The following CD1B variants were observed in gnomAD, a reference collection of about 807,000 sequenced individuals.
CD1B encodes T-cell surface glycoprotein CD1b.
A neutral mutation model predicts 39.8 loss-of-function variants in CD1B; 43 were observed. The observed-to-expected ratio is 1.08, with a 90% CI of 0.85 to 1.39. The LOEUF (loss-of-function observed/expected upper bound fraction) is 1.39, where lower values mean the gene tolerates loss of function less well. CD1B is among the 40% of genes most tolerant of loss of function. The pLI is 0.00. For synonymous variants in CD1B, 192 were observed against 152.5 expected (o/e 1.26, Z -1.91); for missense variants, 495 against 403.8 (o/e 1.23, Z -1.94).
At chr1:158,324,759 T>C (rs1358681429), downstream of CD1B, among the ~76,000 whole-genome samples, 1 of 152,162 alleles carries the variant, frequency 6.6e-6, no homozygotes, top group Non-Finnish European at 1.5e-5. Flanking sequence ...CCAGAGATCC[T>C]TGCTAATTTC....
the CD1B span, among the ~76,000 whole-genome samples, chr1:158,310,238 A>T: frequency 6.6e-6 from 1 of 152,176 alleles, no homozygotes; most frequent in Non-Finnish European, 1.5e-5. Context: ...CTATTCAATA[A>T]ATGGTGTTGT....
intron 5 of CD1B, 131 bp downstream of exon 5, chr1:158,328,790 G>C: frequency 1.6e-6 from 1 of 644,676 alleles, no homozygotes; most frequent in Non-Finnish European, 2.6e-6. Flanking sequence ...AAACGAATGG[G>C]AGTTTGGGGA....
chr1:158,316,388 G>T, the CD1B span, among the ~76,000 whole-genome samples: 7 of 151,676 alleles, frequency 4.6e-5, no homozygotes, highest in Admixed American at 6.6e-5. Context: ...TTGTAAGTTG[G>T]ATTCCTAGGT....
At chr1:158,313,856 C>T in the CD1B span, among the ~76,000 whole-genome samples, 2 of 152,072 alleles carry the variant, frequency 1.3e-5, no homozygotes, top group Non-Finnish European at 1.5e-5. Flanking sequence ...CATTATTGGC[C>T]TGTTTGAATT....
At chr1:158,309,401 G>A in the CD1B span, among the ~76,000 whole-genome samples, 23 of 152,108 alleles carry the variant, frequency 1.5e-4, no homozygotes, top group African/African-American at 4.8e-4. Flanking sequence ...AACTAGTTCA[G>A]CCATTGTGGA....
the CD1B span, among the ~76,000 whole-genome samples, chr1:158,288,410 A>G: frequency 3.9e-5 from 6 of 152,228 alleles, no homozygotes; most frequent in Non-Finnish European, 7.3e-5. Context: ...TTTCCTTTTT[A>G]AGGCACGGTC....
chr1:158,285,440 G>C, the CD1B span, among the ~76,000 whole-genome samples: 1 of 152,120 alleles, frequency 6.6e-6, no homozygotes, highest in African/African-American at 2.4e-5. Flanking sequence ...TAGCCAGGGT[G>C]GTGCTTAGAA....
the CD1B span, among the ~76,000 whole-genome samples, chr1:158,305,439 C>T: frequency 6.6e-6 from 1 of 152,060 alleles, no homozygotes; most frequent in Non-Finnish European, 1.5e-5. Context: ...TGTGAAAAGA[C>T]CAAATCTATG....
intron 3 of CD1B, 84 bp downstream of exon 3, chr1:158,329,768 G>T (rs902895879): frequency 6.4e-7 from 1 of 1,557,402 alleles, no homozygotes; most frequent in Non-Finnish European, 8.7e-7. Flanking sequence ...CAAATAACTT[G>T]TTATTTAAGC....
the CD1B span, among the ~76,000 whole-genome samples, chr1:158,295,680 G>A: frequency 5.3e-5 from 8 of 151,978 alleles, no homozygotes; most frequent in Non-Finnish European, 1.5e-5. Flanking sequence ...ACTGATCTGA[G>A]CCCCCCACCC....
chr1:158,316,144 C>A, the CD1B span, among the ~76,000 whole-genome samples: 1 of 151,938 alleles, frequency 6.6e-6, no homozygotes, highest in Non-Finnish European at 1.5e-5. Flanking sequence ...AATGCGGGCT[C>A]TTTTTTGGTT....
At chr1:158,302,220 A>G in the CD1B span, among the ~76,000 whole-genome samples, 1 of 152,206 alleles carries the variant, frequency 6.6e-6, no homozygotes, top group East Asian at 1.9e-4. Flanking sequence ...GAAGTCAGAA[A>G]TCAGGAAATT....
the CD1B span, chr1:158,292,220 T>C: frequency 1.9e-6 from 3 of 1,614,186 alleles, no homozygotes; most frequent in South Asian, 2.2e-5. Context: ...CTCCAGGCTG[T>C]GGAAGTTTGG....
At chr1:158,304,993 A>G in the CD1B span, among the ~76,000 whole-genome samples, 1 of 149,214 alleles carries the variant, frequency 6.7e-6, no homozygotes, top group Non-Finnish European at 1.5e-5. Flanking sequence ...GGGAAAAAAC[A>G]GAGCAGAAAA....
downstream of CD1B, among the ~76,000 whole-genome samples, chr1:158,325,817 A>C (rs910550257): frequency 6.6e-6 from 1 of 152,138 alleles, no homozygotes; most frequent in Non-Finnish European, 1.5e-5. Flanking sequence ...CTGTTGTGCC[A>C]CCTTCAATAT....
the CD1B span, among the ~76,000 whole-genome samples, chr1:158,305,510 G>A: frequency 6.6e-6 from 1 of 152,196 alleles, no homozygotes; most frequent in East Asian, 1.9e-4. Context: ...ACACTCTGCA[G>A]GATATTATCC....
At chr1:158,317,669 C>G in the CD1B span, among the ~76,000 whole-genome samples, 22 of 152,180 alleles carry the variant, frequency 1.4e-4, no homozygotes, top group Non-Finnish European at 2.8e-4. Flanking sequence ...TCCTTCAGTT[C>G]TGCTCTGATT....
the CD1B span, among the ~76,000 whole-genome samples, chr1:158,320,052 C>T: frequency 6.6e-6 from 1 of 152,238 alleles, no homozygotes; most frequent in Non-Finnish European, 1.5e-5. Context: ...GGGAGAACCA[C>T]TGCTCTCTTC....
the CD1B span, chr1:158,291,083 C>T: frequency 6.6e-7 from 1 of 1,520,356 alleles, no homozygotes; most frequent in Non-Finnish European, 9.0e-7. Context: ...ATTTTCCTTG[C>T]CTCTCTTTTT....
Sources: gnomAD v4.1 joint callset for allele counts (sites outside exome capture counted in the v4.1 genomes callset) on GRCh38, gnomAD v4.1.1 for gene constraint, MANE v1.5 for transcripts, NCBI Gene and HGNC (gene_info 2026-07-23, HGNC 2026-07-21) for gene names.